KLF8: variants seen among roughly 807,000 people sequenced by gnomAD.
The protein encoded by KLF8 is Krueppel-like factor 8.
A neutral mutation model predicts 18.2 loss-of-function variants in KLF8; 10 were observed. The observed-to-expected ratio is 0.55, with a 90% CI of 0.34 to 0.93. The LOEUF is 0.93. Ranked by LOEUF, KLF8 falls within the 40% of genes least tolerant of loss-of-function variation. The pLI is 0.02. For missense variants in KLF8, 264 were observed against 277.9 expected, an observed-to-expected ratio of 0.95 and a Z score of 0.36; for synonymous variants, 109 against 97.3, an observed-to-expected ratio of 1.12 and a Z score of -0.71.
At chrX:55,908,736 C>T in the KLF8 span, 4 of 283,842 alleles carry the variant, frequency 1.4e-5, no homozygotes, top group Non-Finnish European at 2.5e-5. Context: ...ATCCCGGCCC[C>T]GCCCCGTCGG....
At chrX:56,124,964 G>A in the KLF8 span, among the ~76,000 whole-genome samples, 1 of 111,882 alleles carries the variant, frequency 8.9e-6, no homozygotes, top group African/African-American at 3.3e-5. Context: ...GTTGATTTTA[G>A]GCTAACAGTC....
chrX:56,238,392 T>C (rs1043017217), intron 1 of KLF8, among the ~76,000 whole-genome samples: 2 of 111,291 alleles, frequency 1.8e-5, no homozygotes, highest in African/African-American at 3.3e-5. Flanking sequence ...GGAGAATCGA[T>C]TGGACCTGGG....
At chrX:56,008,141 C>T in the KLF8 span, among the ~76,000 whole-genome samples, 1 of 102,185 alleles carries the variant, frequency 9.8e-6, no homozygotes, top group African/African-American at 4.3e-5. Flanking sequence ...TATATATACA[C>T]ACACAAATAC....
chrX:56,083,396 A>C, the KLF8 span, among the ~76,000 whole-genome samples: 2 of 112,004 alleles, frequency 1.8e-5, no homozygotes, highest in African/African-American at 6.5e-5. Flanking sequence ...TGTTTAACAA[A>C]CCAAAATATT....
chrX:56,026,064 T>C, the KLF8 span, among the ~76,000 whole-genome samples: 2 of 112,151 alleles, frequency 1.8e-5, no homozygotes, highest in African/African-American at 3.2e-5. Flanking sequence ...GTAGGGCTTG[T>C]CATCCTCCTC....
the KLF8 span, among the ~76,000 whole-genome samples, chrX:56,140,535 A>G: frequency 2.7e-5 from 3 of 111,344 alleles, no homozygotes; most frequent in Non-Finnish European, 1.9e-5. Flanking sequence ...ATATTCTTTT[A>G]TAAGTGACAG....
At chrX:56,021,892 C>T in the KLF8 span, among the ~76,000 whole-genome samples, 1 of 108,416 alleles carries the variant, frequency 9.2e-6, no homozygotes, top group East Asian at 2.9e-4. Flanking sequence ...CTCATAAATA[C>T]TTCATAGCCT....
the KLF8 span, among the ~76,000 whole-genome samples, chrX:56,053,357 A>G: frequency 2.0e-3 from 224 of 111,959 alleles, 2 homozygotes; most frequent in African/African-American, 6.7e-3. Context: ...TTCTATGAAT[A>G]AAATGTACTT....
the KLF8 span, among the ~76,000 whole-genome samples, chrX:56,095,576 G>C: frequency 9.0e-6 from 1 of 111,119 alleles, no homozygotes; most frequent in Non-Finnish European, 1.9e-5. Context: ...CTAATATCTA[G>C]AATCTACAAG....
the KLF8 span, among the ~76,000 whole-genome samples, chrX:56,188,078 C>T: frequency 2.0e-4 from 22 of 110,967 alleles, no homozygotes; most frequent in Non-Finnish European, 3.8e-4. Context: ...AAGAGGAAGT[C>T]AAATTGTCCC....
the KLF8 span, among the ~76,000 whole-genome samples, chrX:56,112,039 T>A: frequency 9.8e-5 from 11 of 111,693 alleles, no homozygotes; most frequent in East Asian, 3.1e-3. Context: ...ACACGTATGT[T>A]TATTGTGGCA....
At chrX:56,060,062 C>T in the KLF8 span, among the ~76,000 whole-genome samples, 1 of 111,728 alleles carries the variant, frequency 9.0e-6, no homozygotes, top group East Asian at 2.8e-4. Flanking sequence ...CCTGAAGTTG[C>T]TTGTCAGCTT....
chrX:56,179,748 T>A, the KLF8 span, among the ~76,000 whole-genome samples: 1 of 111,950 alleles, frequency 8.9e-6, no homozygotes, highest in Non-Finnish European at 1.9e-5. Context: ...ATTGAGATAA[T>A]CATGTGGTTT....
the KLF8 span, among the ~76,000 whole-genome samples, chrX:56,078,276 G>A: frequency 8.9e-6 from 1 of 111,793 alleles, no homozygotes; most frequent in African/African-American, 3.3e-5. Context: ...TTGGCTGTGG[G>A]TTTGTCATAG....
At chrX:56,176,313 T>G in the KLF8 span, among the ~76,000 whole-genome samples, 1 of 111,891 alleles carries the variant, frequency 8.9e-6, no homozygotes, top group Non-Finnish European at 1.9e-5. Context: ...GACAAAATCT[T>G]TCAGCATTTG....
At chrX:55,965,609 A>G in the KLF8 span, among the ~76,000 whole-genome samples, 3 of 112,286 alleles carry the variant, frequency 2.7e-5, no homozygotes, top group Non-Finnish European at 3.8e-5. Flanking sequence ...CTCTTCACAG[A>G]TGATATAATT....
At chrX:56,041,468 T>C in the KLF8 span, among the ~76,000 whole-genome samples, 1 of 78,104 alleles carries the variant, frequency 1.3e-5, no homozygotes, top group Non-Finnish European at 2.6e-5. Context: ...TAGCTAGCAG[T>C]CTATCTATTT....
chrX:56,149,635 AAAG>A, the KLF8 span, among the ~76,000 whole-genome samples: 1 of 111,941 alleles, frequency 8.9e-6, no homozygotes, highest in Non-Finnish European at 1.9e-5. Flanking sequence ...GCAAAATAAA[AAAG>A]AAGAGTGTTG....
chrX:56,270,381 C>CGA lies in KLF8; in HGVS notation c.898+78_898+79dup, dbSNP rs1232106278. ...ACACACACACACACACACACACACA[C>CGA]GAGAGAGAGAGAGAGAGAGGGGCAG... On this transcript the variant is annotated intron_variant, in intron 5 of 5. Coordinates refer to ENST00000468660, the MANE Select transcript of KLF8 (RefSeq NM_007250.5). The CGA allele has an allele frequency of 2.8e-3, 2,169 of 773,537 alleles. 4 individuals carry two copies. The highest frequency in any genetic ancestry group is 8.2e-3 in the Admixed American group (171 of 20,775). The allele number at this position is 773,537 out of a possible 1,213,427, so 63.7% of individuals were successfully genotyped here. A position where few individuals can be genotyped will look rare whatever the true frequency, so the allele number is the denominator to read the frequency against.
Sources: allele counts gnomAD v4.1 joint callset (sites outside exome capture counted in the v4.1 genomes callset), GRCh38; gene constraint gnomAD v4.1.1; transcripts MANE v1.5; gene names NCBI Gene and HGNC (gene_info 2026-07-23, HGNC 2026-07-21).